Variants in MAST2 observed in about 807,000 individuals in gnomAD.
MAST2 encodes microtubule associated serine/threonine kinase 2.
In MAST2, 70 loss-of-function variants were observed where a neutral mutation model predicts 147.4. The observed-to-expected ratio is 0.47, with a 90% CI of 0.39 to 0.58. The LOEUF is 0.58. MAST2 is among the 20% of genes least tolerant of loss of function. The pLI is 0.00. For synonymous variants in MAST2, 869 were observed against 896.8 expected, an observed-to-expected ratio of 0.97 and a Z score of 0.55; for missense variants, 2,080 against 2,302.3, an observed-to-expected ratio of 0.90 and a Z score of 1.98.
At chr1:45,823,581 G>T (rs1474512174) in intron 1 of MAST2, among the ~76,000 whole-genome samples, 2 of 152,046 alleles carry the variant, frequency 1.3e-5, no homozygotes, top group African/African-American at 4.8e-5. Context: ...TGATCCACCT[G>T]CCTCAGACTC....
intron 4 of MAST2, among the ~76,000 whole-genome samples, chr1:45,914,374 TAGAAATAAACTTTATTA>T (rs1652141094): frequency 6.6e-6 from 1 of 152,096 alleles, no homozygotes; most frequent in Non-Finnish European, 1.5e-5. Context: ...TTGGCCAATA[TAGAAATAAACTTTATTA>T]GGTGAGAATA....
intron 4 of MAST2, among the ~76,000 whole-genome samples, chr1:45,926,257 A>G (rs575863342): frequency 6.6e-6 from 1 of 152,346 alleles, no homozygotes; most frequent in East Asian, 1.9e-4. Context: ...GTGAGTCAGT[A>G]CATCTACAAT....
intron 5 of MAST2, among the ~76,000 whole-genome samples, chr1:45,976,482 A>G (rs1412591556): frequency 1.3e-5 from 2 of 152,178 alleles, no homozygotes; most frequent in Non-Finnish European, 2.9e-5. Context: ...CTGTAATCCC[A>G]GCTACTCAGG....
intron 1 of MAST2, among the ~76,000 whole-genome samples, chr1:45,822,477 T>C (rs544572769): frequency 6.6e-6 from 1 of 152,248 alleles, no homozygotes; most frequent in East Asian, 1.9e-4. Context: ...TGGGAAGGAA[T>C]AGGGAAATTG....
Position 45,997,713 on chromosome 1 carries a change from C to T in MAST2, c.593-11C>T. 1 of 1,611,800 alleles carries T rather than the reference C, an allele frequency of 6.2e-7. No homozygotes were observed. The highest frequency in any genetic ancestry group is 8.5e-7 in the Non-Finnish European group (1 of 1,177,840). ...AACCTCACAGAGTTTTGTTTCTTTT[C>T]CCATCCACAGGTAACAGTCCTTTGG... On this transcript the variant is annotated splice_polypyrimidine_tract_variant and intron_variant, in intron 5 of 28. Coordinates refer to ENST00000361297, the MANE Select transcript of MAST2 (RefSeq NM_015112.3).
chr1:45,917,512 C>T, intron 4 of MAST2: 2 of 1,366,504 alleles, frequency 1.5e-6, no homozygotes, highest in Non-Finnish European at 2.0e-6. Context: ...ACTCCTTGTT[C>T]CAGCCGCCCA....
intron 3 of MAST2, among the ~76,000 whole-genome samples, chr1:45,850,444 A>G (rs1022985583): frequency 5.3e-5 from 8 of 152,168 alleles, no homozygotes; most frequent in African/African-American, 1.9e-4. Flanking sequence ...CTTTAGTCTA[A>G]TTAGGTCCCA....
At chr1:45,891,347 A>T (rs922312986) in intron 4 of MAST2, among the ~76,000 whole-genome samples, 1 of 152,172 alleles carries the variant, frequency 6.6e-6, no homozygotes, top group Non-Finnish European at 1.5e-5. Context: ...TTTTAAAAAA[A>T]TTAGCCAGGT....
Position 45,989,522 on chromosome 1 carries a change from A to AT in MAST2, c.593-8200dup, listed in dbSNP as rs1021702377. ...GTTAGATTCTCTTGTCATAGTCTGC[A>AT]TTCTTCTCTGGGATCCTCTGATCTC... On this transcript the variant is annotated intron_variant, in intron 5 of 28. Transcript: ENST00000361297. 4.4e-4 allele frequency among the ~76,000 whole-genome samples: 67 copies of AT among 152,120 alleles called. 1 individual carries two copies. Among genetic ancestry groups the AT allele is most frequent in the African/African-American group, 1.4e-3 (60 of 41,504 alleles).
intron 3 of MAST2, among the ~76,000 whole-genome samples, chr1:45,879,104 C>T (rs887222108): frequency 1.3e-5 from 2 of 149,622 alleles, no homozygotes; most frequent in African/African-American, 4.9e-5. Flanking sequence ...TTGCATAGGG[C>T]AGAAAAATAG....
At position 46,032,315 on chromosome 1, in the gene MAST2, C is replaced by T. The variant is rs573067782; in HGVS notation, c.3325C>T (p.Arg1109Ter). Residue 1109 changes from arginine to a stop codon, truncating the protein, a stop_gained, in exon 25 of 29, where the codon CGA becomes TGA. Coordinates refer to ENST00000361297, the MANE Select transcript of MAST2 (RefSeq NM_015112.3). LOFTEE classifies it high-confidence loss of function. ...CATGAGGCCTCCCATCATCATCCAC[C>T]GAGCTGGCAAGAAGTATGGCTTCAC... is the stretch of plus-strand genomic sequence containing the variant. ...GSMRPPIIIH[R>*]AGKKYGFTLR... is the part of the protein sequence containing the mutation. 2 of 1,614,084 alleles carry T rather than the reference C, an allele frequency of 1.2e-6. No individual in the cohort carries two copies. The highest frequency in any genetic ancestry group is 1.7e-5 in the Admixed American group (1 of 60,012).
intron 4 of MAST2, among the ~76,000 whole-genome samples, chr1:45,900,319 A>G (rs1224669078): frequency 6.6e-6 from 1 of 152,108 alleles, no homozygotes; most frequent in African/African-American, 2.4e-5. Flanking sequence ...ATTCCCACCA[A>G]CAGTATATAA....
chr1:45,877,576 A>G (rs1646660026), intron 3 of MAST2, among the ~76,000 whole-genome samples: 1 of 152,200 alleles, frequency 6.6e-6, no homozygotes. Flanking sequence ...TCAAAATTGG[A>G]CAAGAACAAT....
chr1:45,985,189 A>T (rs914162054), intron 5 of MAST2, among the ~76,000 whole-genome samples: 14 of 151,532 alleles, frequency 9.2e-5, no homozygotes, highest in African/African-American at 3.4e-4. Flanking sequence ...TGAAACCTCA[A>T]CCTCAACCTC....
At chr1:45,994,454 T>G (rs369271517) in intron 5 of MAST2, among the ~76,000 whole-genome samples, 1 of 151,878 alleles carries the variant, frequency 6.6e-6, no homozygotes, top group East Asian at 1.9e-4. Flanking sequence ...AGCCGGTTAA[T>G]TTTTGTATTT....
chr1:45,942,759 A>C (rs1212951329), intron 4 of MAST2, among the ~76,000 whole-genome samples: 1 of 152,358 alleles, frequency 6.6e-6, no homozygotes, highest in South Asian at 2.1e-4. Context: ...AGTGATAAGA[A>C]TGATCTCCAG....
At chr1:45,953,057 G>T (rs1038629110) in intron 4 of MAST2, among the ~76,000 whole-genome samples, 8 of 152,184 alleles carry the variant, frequency 5.3e-5, no homozygotes, top group African/African-American at 1.9e-4. Flanking sequence ...GAGGATTGGA[G>T]TTAAAAGCGA....
intron 3 of MAST2, among the ~76,000 whole-genome samples, chr1:45,878,871 A>G (rs763185726): frequency 6.6e-6 from 1 of 151,806 alleles, no homozygotes; most frequent in Admixed American, 6.6e-5. Context: ...TTCATGTATT[A>G]TAAGACTTGA....
chr1:45,876,474 G>A (rs1399946705), intron 3 of MAST2, among the ~76,000 whole-genome samples: 1 of 152,204 alleles, frequency 6.6e-6, no homozygotes, highest in Non-Finnish European at 1.5e-5. Flanking sequence ...GATCAGAGAA[G>A]GCTGAATGGA....
Sources: gnomAD v4.1 joint callset for allele counts (sites outside exome capture counted in the v4.1 genomes callset) on GRCh38, gnomAD v4.1.1 for gene constraint, MANE v1.5 for transcripts, NCBI Gene and HGNC (gene_info 2026-07-23, HGNC 2026-07-21) for gene names.